KRCC1: variants seen among roughly 807,000 people sequenced by gnomAD.
KRCC1 encodes lysine rich coiled-coil 1, also known as lysine-rich coiled-coil protein 1.
Under a neutral mutation model 7.4 loss-of-function variants are expected in KRCC1, and 3 were observed. The observed-to-expected ratio is 0.40, with a 90% CI of 0.18 to 1.04. The LOEUF is 1.04. Ranked by LOEUF, KRCC1 falls within the 50% of genes least tolerant of loss-of-function variation. The pLI is 0.33. For missense variants in KRCC1, 277 were observed against 300.9 expected (o/e 0.92, Z 0.59); for synonymous variants, 102 against 101.6 (o/e 1.00, Z -0.02).
intron 3 of KRCC1, among the ~76,000 whole-genome samples, chr2:88,032,180 A>C (rs1673007088): frequency 6.6e-6 from 1 of 152,000 alleles, no homozygotes; most frequent in Admixed American, 6.6e-5. Context: ...ATGTAGCCTA[A>C]GTTTACAGTA....
At chr2:88,049,627 C>A (rs909016336) in intron 1 of KRCC1, among the ~76,000 whole-genome samples, 1 of 152,152 alleles carries the variant, frequency 6.6e-6, no homozygotes, top group Middle Eastern at 3.2e-3. Context: ...CCAGCCTGGG[C>A]AATCGGAGTG....
In KRCC1 at chr2:88,027,602, A is replaced by G. The variant is rs1672897769; in HGVS notation, c.*182T>C. 3 of 486,772 alleles carry G rather than the reference A, an allele frequency of 6.2e-6. No homozygotes were observed. Among genetic ancestry groups the G allele is most frequent in the Non-Finnish European group, 1.1e-5 (3 of 280,276 alleles). 30.2% of individuals were successfully genotyped at this position (486,772 alleles called of 1,614,324 possible). A position where few individuals can be genotyped will look rare whatever the true frequency, so the allele number is the denominator to read the frequency against. On this transcript the variant is annotated 3_prime_UTR_variant, in exon 4 of 4. Transcript: ENST00000347055. ...TCAAAAAATGTAATAATGCTTTTAG[A>G]AAATGAGGAAAAGCAATTTCTGTGT...
Position 88,027,797 on chromosome 2 carries a change from A to G in KRCC1, c.767T>C (p.Ile256Thr). The G allele has an allele frequency of 6.3e-7, 1 of 1,583,520 alleles. No homozygotes were observed. Among genetic ancestry groups the G allele is most frequent in the Non-Finnish European group, 8.5e-7 (1 of 1,171,448 alleles). Residue 256 changes from isoleucine (I) to threonine (T), a missense_variant, in exon 4 of 4, where the codon ATT becomes ACT. Ile to Thr is a moderately conservative substitution (Grantham distance 89, BLOSUM62 -1). Coordinates refer to ENST00000347055, the MANE Select transcript of KRCC1 (RefSeq NM_016618.3). Reference protein sequence around the residue: ...TEEEMLWDQSILGF With the variant: ...TEEEMLWDQSTLGF ...ACTTTGAAAGCTTCAAAATCCAAGA[A>G]TAGACTGGTCCCAAAGCATTTCCTC... is the stretch of plus-strand genomic sequence containing the variant.
At chr2:88,036,234 C>A (rs538221946) in intron 2 of KRCC1, among the ~76,000 whole-genome samples, 47 of 152,178 alleles carry the variant, frequency 3.1e-4, no homozygotes, top group Non-Finnish European at 5.7e-4. Context: ...GGTCTCAGAG[C>A]GTGAGAAGAG....
chr2:88,027,223 A>C lies in KRCC1; in HGVS notation c.*561T>G, dbSNP rs1455536178. The C allele has an allele frequency of 6.6e-6, 1 of 152,274 alleles. No individual in the cohort carries two copies. The highest frequency in any genetic ancestry group is 1.5e-5 in the Non-Finnish European group (1 of 68,068). The allele number at this position is 152,274 out of a possible 1,614,324, so 9.4% of individuals were successfully genotyped here. ...CAACATGTAGAAATTAGAATACTTT[A>C]TTATAAATATTTTCAGAATATAAAC... is the stretch of plus-strand genomic sequence containing the variant. On this transcript the variant is annotated 3_prime_UTR_variant, in exon 4 of 4. Transcript: ENST00000347055.
rs1243415519 is a variant in KRCC1, at chr2:88,044,500, A to C, written c.-290-7449T>G. ...CAAGGGACTTACATCTAGAAGATAT[A>C]AAGACTTTTTATGACTCAATTATAG... is the stretch of plus-strand genomic sequence containing the variant. On this transcript the variant is annotated intron_variant, in intron 1 of 3. Coordinates refer to ENST00000347055, the MANE Select transcript of KRCC1 (RefSeq NM_016618.3). 2.7e-5 allele frequency among the ~76,000 whole-genome samples: 4 copies of C among 150,024 alleles called. No individual in the cohort carries two copies. The East Asian group carries it at 7.7e-4, about 29-fold the overall frequency.
At chr2:88,051,119 TCTCA>T (rs928339668) in intron 1 of KRCC1, among the ~76,000 whole-genome samples, 10 of 150,620 alleles carry the variant, frequency 6.6e-5, no homozygotes, top group African/African-American at 2.2e-4. Context: ...GTAGACAGGG[TCTCA>T]CTATTTTGCC....
At position 88,032,174 on chromosome 2, in the gene KRCC1, A is replaced by T. The variant is rs1248389012; in HGVS notation, c.-23+1960T>A. 7.2e-5 allele frequency among the ~76,000 whole-genome samples: 11 copies of T among 152,180 alleles called. No homozygotes were observed. In the East Asian group the frequency reaches 2.1e-3, roughly 29 times the overall value. ...ATTAATTAATTAATTAATTTAATGT[A>T]GCCTAAGTTTACAGTATTTATAGTC... On this transcript the variant is annotated intron_variant, in intron 3 of 3. Coordinates refer to ENST00000347055, the MANE Select transcript of KRCC1 (RefSeq NM_016618.3).
chr2:88,035,174 A>G (rs1485394183), intron 2 of KRCC1, among the ~76,000 whole-genome samples: 1 of 152,218 alleles, frequency 6.6e-6, no homozygotes, highest in African/African-American at 2.4e-5. Flanking sequence ...CTATGATTAG[A>G]ATTACTTCTA....
In KRCC1 at chr2:88,042,058, C is replaced by CT. The variant is rs5832712; in HGVS notation, c.-290-5008dup. ...TCTTGTTATGGGTTTAGACCATTAT[C>CT]TTTTTTTTTTTTTTTTTTTCCAGAT... On this transcript the variant is annotated intron_variant, in intron 1 of 3. Coordinates refer to ENST00000347055, the MANE Select transcript of KRCC1 (RefSeq NM_016618.3). Among the ~76,000 whole-genome samples, 770 of 111,286 alleles carry CT rather than the reference C, an allele frequency of 6.9e-3. 5 individuals carry two copies. Among genetic ancestry groups the CT allele is most frequent in the African/African-American group, 0.013 (403 of 30,672 alleles). The allele number at this position is 111,286 out of a possible 152,430, so 73.0% of individuals were successfully genotyped here.
chr2:88,043,287 T>C (rs547910372), intron 1 of KRCC1, among the ~76,000 whole-genome samples: 2 of 152,264 alleles, frequency 1.3e-5, no homozygotes, highest in South Asian at 4.1e-4. Flanking sequence ...AGTTTCATGG[T>C]TTACCTTAAC....
chr2:88,028,147 G>T lies in KRCC1; in HGVS notation c.417C>A (p.His139Gln), dbSNP rs1287562048. 1 of 1,613,994 alleles carries T rather than the reference G, an allele frequency of 6.2e-7. No homozygotes were observed. Among genetic ancestry groups the T allele is most frequent in the East Asian group, 2.2e-5 (1 of 44,886 alleles). Residue 139 changes from histidine to glutamine, a missense_variant, in exon 4 of 4, where the codon CAC (histidine) becomes CAA (glutamine). Transcript: ENST00000347055. ...SHGVEHRVYK[H>Q]FSSDNSTSTH... ...TACTGGTACTGTTATCTGAGGAGAA[G>T]TGCTTGTAAACTCTATGTTCTACAC...
rs770395461 is a variant in KRCC1 at position 88,028,313 on chromosome 2, C to T, written c.251G>A (p.Arg84Gln). Residue 84 changes from arginine (R) to glutamine (Q), a missense_variant, in exon 4 of 4, where the codon CGG becomes CAG. Physicochemically the swap from Arg to Gln is conservative, Grantham distance 43. Transcript: ENST00000347055. ...ATGGGCTGGTAACCACTGAGGCAACCGATTTTCCACTGTTTGTGGAATATT... is the reference window on the plus strand; with the variant it reads ...ATGGGCTGGTAACCACTGAGGCAACTGATTTTCCACTGTTTGTGGAATATT... ...SCNIPQTVEN[R>Q]LPQWLPAHDS... is the part of the protein sequence containing the mutation. 7.4e-6 allele frequency: 12 copies of T among 1,614,134 alleles called. No individual in the cohort carries two copies. In the East Asian group the frequency reaches 1.3e-4, roughly 18 times the overall value.
At chr2:88,052,755 A>C (rs956952076) in intron 1 of KRCC1, among the ~76,000 whole-genome samples, 1 of 152,208 alleles carries the variant, frequency 6.6e-6, no homozygotes, top group Non-Finnish European at 1.5e-5. Context: ...TCATCTGCTC[A>C]TAACTGTTAC....
At chr2:88,044,717 G>T (rs553049149) in intron 1 of KRCC1, among the ~76,000 whole-genome samples, 27 of 152,108 alleles carry the variant, frequency 1.8e-4, no homozygotes, top group Non-Finnish European at 2.8e-4. Flanking sequence ...AAAAATAAAT[G>T]AGATACCACT....
At chr2:88,043,069 T>C (rs1180084269) in intron 1 of KRCC1, among the ~76,000 whole-genome samples, 2 of 152,230 alleles carry the variant, frequency 1.3e-5, no homozygotes, top group East Asian at 3.8e-4. Context: ...TGTACTACAC[T>C]GAAGTCTTAT....
chr2:88,030,810 A>G (rs1672977347), intron 3 of KRCC1, among the ~76,000 whole-genome samples: 1 of 152,240 alleles, frequency 6.6e-6, no homozygotes, highest in Non-Finnish European at 1.5e-5. Flanking sequence ...TTAAAGGAAA[A>G]GGAGATACAG....
At chr2:88,048,472 T>C (rs988187575) in intron 1 of KRCC1, among the ~76,000 whole-genome samples, 1 of 152,192 alleles carries the variant, frequency 6.6e-6, no homozygotes, top group African/African-American at 2.4e-5. Flanking sequence ...GTAAATAGTA[T>C]TTTTAAAAAA....
At chr2:88,052,588 T>C (rs1673517247) in intron 1 of KRCC1, among the ~76,000 whole-genome samples, 1 of 152,000 alleles carries the variant, frequency 6.6e-6, no homozygotes, top group South Asian at 2.1e-4. Flanking sequence ...CGTAAGTGAA[T>C]AGTGAGTGAC....
Sources: allele counts gnomAD v4.1 joint callset (sites outside exome capture counted in the v4.1 genomes callset), GRCh38; gene constraint gnomAD v4.1.1; transcripts MANE v1.5; gene names NCBI Gene and HGNC (gene_info 2026-07-23, HGNC 2026-07-21).